SLC22A24: variants seen among roughly 807,000 people sequenced by gnomAD.
The protein encoded by SLC22A24 is steroid transmembrane transporter SLC22A24.
SLC22A24 carries 53 observed loss-of-function variants against 49.8 expected under a neutral mutation model. That is an observed-to-expected ratio of 1.06 (90% confidence interval 0.85 to 1.34). The LOEUF is 1.34. Ranked by LOEUF, SLC22A24 falls within the 40% of genes most tolerant of loss-of-function variation. The pLI is 0.00. For synonymous variants in SLC22A24, 302 were observed against 256.4 expected (o/e 1.18, Z -1.70); for missense variants, 786 against 675.9 (o/e 1.16, Z -1.81).
Position 63,143,415 on chromosome 11 carries a change from T to A in SLC22A24, c.365A>T (p.Tyr122Phe), listed in dbSNP as rs746363873. 9.2e-6 allele frequency: 14 copies of A among 1,522,818 alleles called. No homozygotes were observed. The highest frequency in any genetic ancestry group is 3.5e-6 in the Non-Finnish European group (4 of 1,140,898). The allele number at this position is 1,522,818 out of a possible 1,614,324, so 94.3% of individuals were successfully genotyped here. A position where few individuals can be genotyped will look rare whatever the true frequency, so the allele number is the denominator to read the frequency against. The change falls in exon 1 of 10, where the codon TAC (tyrosine) becomes TTC (phenylalanine). Residue 122 changes from tyrosine to phenylalanine, a missense_variant. Transcript: ENST00000612278. ...DTEPCVDGWV[Y>F]DRSSFLSTIV... is the part of the protein sequence containing the mutation. Reference sequence around the variant, plus strand: ...GGTGGAGAGGAAAGAGCTTCTGTCGTACACCCAGCCATCCACACAGGGCTC... The same window carrying A: ...GGTGGAGAGGAAAGAGCTTCTGTCGAACACCCAGCCATCCACACAGGGCTC...
intron 2 of SLC22A24, among the ~76,000 whole-genome samples, chr11:63,125,389 T>G (rs2087282911): frequency 6.6e-6 from 1 of 152,164 alleles, no homozygotes; most frequent in African/African-American, 2.4e-5. Context: ...CTCCCACTTC[T>G]GAGTGAGAAC....
chr11:63,090,273 C>T (rs1169939277), intron 6 of SLC22A24, among the ~76,000 whole-genome samples: 2 of 151,910 alleles, frequency 1.3e-5, no homozygotes, highest in African/African-American at 2.4e-5. Context: ...GAGACTTTAA[C>T]ACCCCACTGT....
intron 4 of SLC22A24, among the ~76,000 whole-genome samples, chr11:63,112,607 A>G (rs181574687): frequency 7.2e-5 from 11 of 152,026 alleles, no homozygotes; most frequent in South Asian, 2.1e-4. Context: ...TTGTGTCTCT[A>G]TCTCCTTCAG....
chr11:63,129,728 T>C (rs1415944674), intron 2 of SLC22A24, among the ~76,000 whole-genome samples: 3 of 152,208 alleles, frequency 2.0e-5, no homozygotes, highest in Non-Finnish European at 4.4e-5. Flanking sequence ...TATTTTATTC[T>C]CTTTGTAGTA....
chr11:63,123,610 A>G (rs570953975), intron 2 of SLC22A24, among the ~76,000 whole-genome samples: 2 of 152,224 alleles, frequency 1.3e-5, no homozygotes, highest in East Asian at 3.9e-4. Flanking sequence ...TCTTCCCCAG[A>G]TTTACTTTCT....
At chr11:63,081,694 T>G in intron 7 of SLC22A24, 28 bp from the exon 8 acceptor site, 2 of 1,478,334 alleles carry the variant, frequency 1.4e-6, no homozygotes, top group Non-Finnish European at 1.9e-6. Context: ...AATCAGGAAA[T>G]CTTGCCTGAA....
chr11:63,081,177 C>T (rs1339366461), intron 8 of SLC22A24, 54 bp from the exon 9 acceptor site: 5 of 1,419,042 alleles, frequency 3.5e-6, no homozygotes, highest in Non-Finnish European at 3.9e-6. Flanking sequence ...TACATGTCAG[C>T]TCTTTATCAT....
intron 2 of SLC22A24, among the ~76,000 whole-genome samples, chr11:63,119,949 C>T (rs1306832280): frequency 1.3e-5 from 2 of 151,818 alleles, no homozygotes; most frequent in Non-Finnish European, 2.9e-5. Flanking sequence ...ATGTCCTTCG[C>T]CCACTTTTTG....
intron 4 of SLC22A24, chr11:63,116,122 T>C: frequency 2.3e-6 from 1 of 426,930 alleles, no homozygotes; most frequent in South Asian, 5.6e-5. Context: ...ATGAGGGCCT[T>C]GATAGCCTTG....
intron 2 of SLC22A24, among the ~76,000 whole-genome samples, chr11:63,122,710 C>T (rs1270930476): frequency 3.3e-5 from 5 of 152,028 alleles, no homozygotes; most frequent in South Asian, 2.1e-4. Context: ...TTAGTAGAGA[C>T]GGGGTTTCAG....
At chr11:63,106,804 A>G (rs184782949) in intron 4 of SLC22A24, among the ~76,000 whole-genome samples, 133 of 152,118 alleles carry the variant, frequency 8.7e-4, no homozygotes, top group African/African-American at 3.0e-3. Context: ...AATTTGTTTG[A>G]GTTCGTTGTA....
At chr11:63,126,858 T>C (rs948811019) in intron 2 of SLC22A24, among the ~76,000 whole-genome samples, 2 of 152,120 alleles carry the variant, frequency 1.3e-5, no homozygotes, top group Non-Finnish European at 2.9e-5. Context: ...CTTGAAGAGG[T>C]CCATCAGATC....
rs147072845 is a variant in SLC22A24 at position 63,138,310 on chromosome 11, A to G, written c.403-3542T>C. On this transcript the variant is annotated intron_variant, in intron 1 of 9. Transcript: ENST00000612278. ...TTGGGGTTCATGTCATAGTCCTACA[A>G]TTTTTTCCTGACCAGTTAAAGCTTC... 2.8e-3 allele frequency among the ~76,000 whole-genome samples: 420 copies of G among 151,980 alleles called. 2 individuals are homozygous for G. The highest frequency in any genetic ancestry group is 9.7e-3 in the African/African-American group (403 of 41,452).
chr11:63,081,300 A>C (rs2086958701), intron 8 of SLC22A24, among the ~76,000 whole-genome samples, 177 bp from the exon 9 acceptor site: 1 of 152,180 alleles, frequency 6.6e-6, no homozygotes, highest in Admixed American at 6.5e-5. Context: ...TTGATAGTAT[A>C]ATGTTGGTAA....
intron 6 of SLC22A24, among the ~76,000 whole-genome samples, chr11:63,094,179 C>T (rs2087038316): frequency 1.6e-5 from 2 of 122,154 alleles, no homozygotes; most frequent in South Asian, 6.0e-4. Flanking sequence ...GTGTGATGTT[C>T]CCCTTCCTGT....
At chr11:63,099,885 A>G (rs926392731) in intron 5 of SLC22A24, among the ~76,000 whole-genome samples, 6 of 152,152 alleles carry the variant, frequency 3.9e-5, no homozygotes, top group South Asian at 2.1e-4. Context: ...TCCCTTCATG[A>G]TAAAAACTCA....
intron 4 of SLC22A24, chr11:63,118,450 C>T (rs1302166288): frequency 1.7e-5 from 3 of 181,362 alleles, no homozygotes; most frequent in Non-Finnish European, 3.4e-5. Context: ...TTTTGGAGAT[C>T]CTACTCTGTC....
At chr11:63,087,533 T>A (rs1485648147) in intron 6 of SLC22A24, among the ~76,000 whole-genome samples, 3 of 152,296 alleles carry the variant, frequency 2.0e-5, no homozygotes, top group African/African-American at 7.2e-5. Flanking sequence ...GCAGTATTTT[T>A]TCATATTCCA....
At chr11:63,136,430 A>C (rs2087375181) in intron 1 of SLC22A24, among the ~76,000 whole-genome samples, 1 of 152,212 alleles carries the variant, frequency 6.6e-6, no homozygotes, top group African/African-American at 2.4e-5. Context: ...CTCCATGACA[A>C]CATCCAACAG....
Sources: gnomAD v4.1 joint callset for allele counts (sites outside exome capture counted in the v4.1 genomes callset) on GRCh38, gnomAD v4.1.1 for gene constraint, MANE v1.5 for transcripts, NCBI Gene and HGNC (gene_info 2026-07-23, HGNC 2026-07-21) for gene names.